The following AFAP1L2 variants were observed in gnomAD, a reference collection of about 807,000 sequenced individuals.
The protein encoded by AFAP1L2 is actin filament associated protein 1 like 2, also known as actin filament-associated protein 1-like 2.
A neutral mutation model predicts 99.3 loss-of-function variants in AFAP1L2; 46 were observed. The ratio of observed to expected loss-of-function variants is 0.46; its 90% CI spans 0.37 to 0.59. The LOEUF (loss-of-function observed/expected upper bound fraction) is 0.59, where lower values mean the gene tolerates loss of function less well. AFAP1L2 is among the 20% of genes least tolerant of loss of function. The pLI is 0.00. For synonymous variants in AFAP1L2, 397 were observed against 419.1 expected (o/e 0.95, Z 0.64); for missense variants, 959 against 1,034.9 (o/e 0.93, Z 1.01).
At chr10:114,304,467 G>A (rs2041786202) in intron 11 of AFAP1L2, among the ~76,000 whole-genome samples, 1 of 152,114 alleles carries the variant, frequency 6.6e-6, no homozygotes, top group African/African-American at 2.4e-5. Flanking sequence ...GTAGCTCAGA[G>A]AACTAAAAAT....
At position 114,315,557 on chromosome 10, in the gene AFAP1L2, G is replaced by T; in HGVS notation, c.612+3C>A. Reference sequence around the variant, plus strand: ...GGGACAAGACGACGTAAGGCAGACTGACCAGAAGCCTGTTGTCCTTGATGA... The same window carrying T: ...GGGACAAGACGACGTAAGGCAGACTTACCAGAAGCCTGTTGTCCTTGATGA... On this transcript the variant is annotated splice_donor_region_variant and intron_variant, in intron 6 of 18. Transcript: ENST00000304129. The T allele has an allele frequency of 1.9e-6, 3 of 1,613,900 alleles. No individual in the cohort carries two copies. The South Asian group carries it at 3.3e-5, about 18-fold the overall frequency.
intron 1 of AFAP1L2, among the ~76,000 whole-genome samples, chr10:114,396,735 G>C (rs2057757872): frequency 6.6e-6 from 1 of 152,222 alleles, no homozygotes; most frequent in African/African-American, 2.4e-5. Context: ...AGAGTTCCCA[G>C]GGTGGGAACC....
intron 2 of AFAP1L2, among the ~76,000 whole-genome samples, chr10:114,337,494 C>T (rs1590289587): frequency 6.6e-6 from 1 of 152,182 alleles, no homozygotes; most frequent in Admixed American, 6.5e-5. Context: ...GGCCCCAGGC[C>T]TCAGTGTGGC....
chr10:114,397,437 T>C (rs777880881), intron 1 of AFAP1L2, among the ~76,000 whole-genome samples: 5 of 152,220 alleles, frequency 3.3e-5, no homozygotes, highest in Non-Finnish European at 7.3e-5. Context: ...ATCTGCCAGT[T>C]TTTAAGCCTT....
chr10:114,399,342 C>G (rs2058033112), intron 1 of AFAP1L2, among the ~76,000 whole-genome samples: 1 of 152,184 alleles, frequency 6.6e-6, no homozygotes, highest in South Asian at 2.1e-4. Context: ...TCAGGGGAGG[C>G]TTCCTGGATG....
intron 1 of AFAP1L2, among the ~76,000 whole-genome samples, chr10:114,361,220 C>T (rs540499280): frequency 1.3e-5 from 2 of 152,262 alleles, no homozygotes; most frequent in South Asian, 4.2e-4. Context: ...CGTGGGAATT[C>T]AAGAAGAGAT....
At chr10:114,336,015 G>A (rs1423941859) in intron 2 of AFAP1L2, among the ~76,000 whole-genome samples, 3 of 151,994 alleles carry the variant, frequency 2.0e-5, no homozygotes, top group African/African-American at 7.2e-5. Flanking sequence ...TAAAAGCCAA[G>A]ATGTTATTGT....
intron 2 of AFAP1L2, among the ~76,000 whole-genome samples, chr10:114,335,779 G>A (rs1202699881): frequency 2.6e-5 from 4 of 152,008 alleles, no homozygotes; most frequent in Admixed American, 2.6e-4. Flanking sequence ...TTTCAGAATA[G>A]CAAAAAAAGA....
At chr10:114,328,354 G>A (rs2046713506) in intron 4 of AFAP1L2, among the ~76,000 whole-genome samples, 1 of 152,214 alleles carries the variant, frequency 6.6e-6, no homozygotes. Context: ...TCCACGTGCT[G>A]CTGCAGGTGC....
intron 1 of AFAP1L2, 108 bp downstream of exon 1, chr10:114,404,332 T>C (rs2138626224): frequency 2.4e-6 from 3 of 1,275,604 alleles, no homozygotes; most frequent in Non-Finnish European, 2.2e-6. Context: ...GTGGGGGCAG[T>C]GGGCTCTGCT....
intron 5 of AFAP1L2, among the ~76,000 whole-genome samples, chr10:114,318,269 A>G (rs938924265): frequency 1.3e-5 from 2 of 152,236 alleles, no homozygotes; most frequent in South Asian, 2.1e-4. Context: ...TTAATGGAGG[A>G]GGCTACAGAG....
chr10:114,346,886 C>T (rs886103523), intron 1 of AFAP1L2, among the ~76,000 whole-genome samples: 5 of 152,216 alleles, frequency 3.3e-5, no homozygotes, highest in African/African-American at 4.8e-5. Context: ...CAGATGACCT[C>T]CTCCCCCAGC....
rs1244420380 is a variant in AFAP1L2, at chr10:114,315,746, G to A, written c.426C>T (p.Ser142=). 1 of 1,612,422 alleles carries A rather than the reference G, an allele frequency of 6.2e-7. No individual in the cohort carries two copies. Among genetic ancestry groups the A allele is most frequent in the Non-Finnish European group, 8.5e-7 (1 of 1,179,690 alleles). The part of the protein sequence containing the change: ...TSLNEDGEAV[S]SSYESYDEED... ...CTTCATCGTAGGACTCGTAGGAGCTGCTCACAGCCTCTCCGTCCTCTGCAA... is the reference window on the plus strand; with the variant it reads ...CTTCATCGTAGGACTCGTAGGAGCTACTCACAGCCTCTCCGTCCTCTGCAA... Residue 142 remains serine, a synonymous_variant, in exon 6 of 19, where the codon AGC becomes AGT. Coordinates refer to ENST00000304129, the MANE Select transcript of AFAP1L2 (RefSeq NM_001001936.3).
At chr10:114,289,327 A>G in the AFAP1L2 span, 3 of 1,614,206 alleles carry the variant, frequency 1.9e-6, no homozygotes, top group Non-Finnish European at 2.5e-6. Flanking sequence ...TCCTGCCCAG[A>G]AGCTGAGGAA....
At chr10:114,352,465 C>A (rs1029820218) in intron 1 of AFAP1L2, among the ~76,000 whole-genome samples, 2 of 103,618 alleles carry the variant, frequency 1.9e-5, no homozygotes, top group Non-Finnish European at 3.6e-5. Flanking sequence ...CAGAGCAAGA[C>A]TCTGTCTCCA....
At chr10:114,351,664 G>A (rs1386241084) in intron 1 of AFAP1L2, among the ~76,000 whole-genome samples, 5 of 152,098 alleles carry the variant, frequency 3.3e-5, no homozygotes, top group African/African-American at 4.8e-5. Flanking sequence ...CAGGAGAAAC[G>A]AAGGCCTCCT....
chr10:114,304,558 G>A (rs907572642), intron 11 of AFAP1L2, among the ~76,000 whole-genome samples, 161 bp downstream of exon 11: 2 of 152,190 alleles, frequency 1.3e-5, no homozygotes, highest in Non-Finnish European at 2.9e-5. Context: ...AAAAGGAATG[G>A]AAATTTTTAA....
Position 114,302,396 on chromosome 10 carries a change from T to C in AFAP1L2, c.1373A>G (p.Asp458Gly), listed in dbSNP as rs755871759. 11 of 1,614,118 alleles carry C rather than the reference T, an allele frequency of 6.8e-6. No homozygotes were observed. In the East Asian group the frequency reaches 2.5e-4, roughly 36 times the overall value. The change falls in exon 12 of 19, where the codon GAC (aspartate) becomes GGC (glycine). Residue 458 changes from aspartate (D) to glycine (G), a missense_variant. Asp to Gly is a moderately conservative substitution (Grantham distance 94). This residue lies in a region of AFAP1L2 where 576 missense variants were observed against 562.1 expected (regional missense o/e 1.02). Transcript: ENST00000304129. The stretch of plus-strand genomic sequence containing the variant: ...GGAGACCCTATCGGCATCCACATAG[T>C]CGTAGGTGAACTCTTCTGGGTCTGT... ...SKTDPEEFTY[D>G]YVDADRVSCI...
At chr10:114,385,838 T>G (rs1190963966) in intron 1 of AFAP1L2, among the ~76,000 whole-genome samples, 3 of 152,272 alleles carry the variant, frequency 2.0e-5, no homozygotes, top group Admixed American at 1.3e-4. Flanking sequence ...TAAAATGCTT[T>G]TCTTATTGGA....
Sources: allele counts gnomAD v4.1 joint callset (sites outside exome capture counted in the v4.1 genomes callset), GRCh38; gene constraint gnomAD v4.1.1; regional missense constraint gnomAD v4.1.1; transcripts MANE v1.5; gene names NCBI Gene and HGNC (gene_info 2026-07-23, HGNC 2026-07-21).